The following EPN2 variants were observed in gnomAD, a reference collection of about 807,000 sequenced individuals.
EPN2 encodes the protein epsin-2.
In EPN2, 34 loss-of-function variants were observed where a neutral mutation model predicts 61.7. The ratio of observed to expected loss-of-function variants is 0.55; its 90% CI spans 0.42 to 0.73. The LOEUF is 0.73. EPN2 is among the 30% of genes least tolerant of loss of function. EPN2 has a pLI of 0.00. For missense variants in EPN2, 714 were observed against 839.2 expected (o/e 0.85, Z 1.84); for synonymous variants, 349 against 353.6 (o/e 0.99, Z 0.15).
rs184266158 is a variant in EPN2 at position 19,283,515 on chromosome 17, T to A, written c.396T>A (p.Ala132=). 61 of 1,614,048 alleles carry A rather than the reference T, an allele frequency of 3.8e-5. No homozygotes were observed. The Admixed American group carries it at 8.3e-4, about 22-fold the overall frequency. ...GTGAGAAGTCAAAGCAACTGGTGGC[T>A]CTCCTCAAGGACGAGGAACGGTTGA... The part of the protein sequence containing the change: ...NVREKSKQLV[A]LLKDEERLKA... Residue 132 remains alanine (A), a synonymous_variant, in exon 3 of 11, where the codon GCT becomes GCA. Coordinates refer to ENST00000314728, the MANE Select transcript of EPN2 (RefSeq NM_014964.5). The surrounding 1 kb of genome is among the most constrained non-coding windows in gnomAD (Gnocchi z 7.0).
chr17:19,239,241 G>T (rs1180371906), intron 1 of EPN2, among the ~76,000 whole-genome samples: 1 of 152,224 alleles, frequency 6.6e-6, no homozygotes, highest in East Asian at 1.9e-4. Context: ...TCCGCCTCCT[G>T]GGTTCAAGCG....
At chr17:19,248,395 T>C (rs918992715) in intron 1 of EPN2, 1 of 152,240 alleles carries the variant, frequency 6.6e-6, no homozygotes, top group Non-Finnish European at 1.5e-5. Context: ...CAGGTTCTTA[T>C]CTGTTCTCTC....
rs1392107458 is a variant in EPN2 at position 19,285,317 on chromosome 17, T to C, written c.596-303T>C. Reference sequence around the variant, plus strand: ...GATGCAGGGGTTGGAACAGTGGGGATGCAGGAGCCTGGTTTGATCCACCCC... The same window carrying C: ...GATGCAGGGGTTGGAACAGTGGGGACGCAGGAGCCTGGTTTGATCCACCCC... On this transcript the variant is annotated intron_variant, in intron 3 of 10. Transcript: ENST00000314728. The surrounding 1 kb of genome is among the most constrained non-coding windows in gnomAD (Gnocchi z 4.5). 6.6e-6 allele frequency among the ~76,000 whole-genome samples: 1 copy of C among 152,278 alleles called. No individual in the cohort carries two copies. The highest frequency in any genetic ancestry group is 2.4e-5 in the African/African-American group (1 of 41,484).
intron 1 of EPN2, among the ~76,000 whole-genome samples, chr17:19,277,420 A>AG (rs2045318438): frequency 6.6e-6 from 1 of 150,632 alleles, no homozygotes; most frequent in Admixed American, 6.6e-5. Flanking sequence ...AAAAAAAAAA[A>AG]AGAGAGAAAT....
intron 4 of EPN2, among the ~76,000 whole-genome samples, chr17:19,295,364 A>ATGCGCG (rs2045507014): frequency 2.4e-5 from 2 of 81,764 alleles, no homozygotes; most frequent in African/African-American, 6.2e-5. Flanking sequence ...ACACACACAC[A>ATGCGCG]CACGCGCGTG....
At chr17:19,265,953 G>A (rs182280022) in intron 1 of EPN2, among the ~76,000 whole-genome samples, 1 of 152,202 alleles carries the variant, frequency 6.6e-6, no homozygotes, top group East Asian at 1.9e-4. Context: ...TTTCCACTCT[G>A]TTTATGTCCA....
At chr17:19,253,743 T>C (rs369486920) in intron 1 of EPN2, among the ~76,000 whole-genome samples, 1 of 152,292 alleles carries the variant, frequency 6.6e-6, no homozygotes, top group Non-Finnish European at 1.5e-5. Flanking sequence ...TAATTTGAAA[T>C]ATGGTGATGT....
intron 10 of EPN2, among the ~76,000 whole-genome samples, chr17:19,333,283 G>A (rs1176534680): frequency 6.6e-6 from 1 of 152,158 alleles, no homozygotes; most frequent in African/African-American, 2.4e-5. Context: ...TTTGTTGGCT[G>A]CACACCAGTC....
intron 1 of EPN2, among the ~76,000 whole-genome samples, chr17:19,238,913 C>T (rs959071): frequency 0.39 from 59,353 of 152,072 alleles, 18,913 homozygotes; most frequent in East Asian, 0.88. Context: ...TGTAATATAA[C>T]GAAGATTTGG....
At position 19,310,045 on chromosome 17, in the gene EPN2, G is replaced by T. The variant is rs762828636; in HGVS notation, c.879+48G>T. The T allele has an allele frequency of 7.5e-6, 10 of 1,331,278 alleles. No homozygotes were observed. In the South Asian group the frequency reaches 1.2e-4, roughly 16 times the overall value. The allele number at this position is 1,331,278 out of a possible 1,614,324, so 82.5% of individuals were successfully genotyped here. A position where few individuals can be genotyped will look rare whatever the true frequency, so the allele number is the denominator to read the frequency against. On this transcript the variant is annotated intron_variant, in intron 5 of 10. Transcript: ENST00000314728. ...CACTGCATTGACTGCCCATGCTCAG[G>T]GTGGAGTGTGGCTCACTGGGAAGAA...
chr17:19,319,748 A>C (rs1269299251), intron 7 of EPN2, among the ~76,000 whole-genome samples: 1 of 151,676 alleles, frequency 6.6e-6, no homozygotes, highest in African/African-American at 2.4e-5. Flanking sequence ...CCCAGGTTCA[A>C]GCAGTTCTCC....
chr17:19,275,443 G>A (rs920551074), intron 1 of EPN2, among the ~76,000 whole-genome samples: 2 of 152,172 alleles, frequency 1.3e-5, no homozygotes, highest in South Asian at 2.1e-4. Flanking sequence ...CCTTTCCTTG[G>A]CTTCTTGCTT....
chr17:19,242,064 C>T (rs1244600911), intron 1 of EPN2, among the ~76,000 whole-genome samples: 1 of 150,010 alleles, frequency 6.7e-6, no homozygotes, highest in East Asian at 2.0e-4. Flanking sequence ...TTTGAAAACA[C>T]TGTGGTTTGA....
chr17:19,281,624 G>A (rs182472520), intron 1 of EPN2, among the ~76,000 whole-genome samples: 1 of 152,226 alleles, frequency 6.6e-6, no homozygotes, highest in East Asian at 1.9e-4. Context: ...AGAAAGGGAG[G>A]CGCAGGTTCT....
intron 1 of EPN2, among the ~76,000 whole-genome samples, chr17:19,246,764 T>G (rs1597967664): frequency 7.5e-6 from 1 of 132,658 alleles, no homozygotes; most frequent in African/African-American, 2.8e-5. Flanking sequence ...CCTCCCTGTG[T>G]GCCTTTTTTT....
chr17:19,308,477 C>G, intron 4 of EPN2: 1 of 985,296 alleles, frequency 1.0e-6, no homozygotes, highest in African/African-American at 1.7e-5. Context: ...ATGTAAGCCT[C>G]CACCCAACAG....
intron 7 of EPN2, chr17:19,313,595 CACCCAGCGT>C: frequency 3.0e-6 from 1 of 330,400 alleles, no homozygotes; most frequent in Non-Finnish European, 5.5e-6. Flanking sequence ...CTCAGCGTTA[CACCCAGCGT>C]CCCAGCTGAA....
intron 4 of EPN2, among the ~76,000 whole-genome samples, chr17:19,290,709 A>AT (rs1567856316): frequency 5.1e-5 from 4 of 79,108 alleles, no homozygotes; most frequent in South Asian, 9.2e-4. Flanking sequence ...TCAAAAAAAA[A>AT]AAAAAAGAAA....
chr17:19,310,571 CTTTTTTTTTTTT>C (rs71155391), intron 5 of EPN2, among the ~76,000 whole-genome samples: 7 of 80,922 alleles, frequency 8.7e-5, no homozygotes, highest in Admixed American at 5.7e-4. Flanking sequence ...CTCCTTCTTT[CTTTTTTTTTTTT>C]TTTTTTTTTT....
Sources: allele counts gnomAD v4.1 joint callset (sites outside exome capture counted in the v4.1 genomes callset), GRCh38; gene constraint gnomAD v4.1.1; non-coding constraint Gnocchi (gnomAD v3.1); transcripts MANE v1.5; gene names NCBI Gene and HGNC (gene_info 2026-07-23, HGNC 2026-07-21).